MYO5B: variants seen among roughly 807,000 people sequenced by gnomAD.
MYO5B encodes the protein myosin VB, also known as unconventional myosin-Vb.
Under a neutral mutation model 229.3 loss-of-function variants are expected in MYO5B, and 143 were observed. The ratio of observed to expected loss-of-function variants is 0.62; its 90% CI spans 0.54 to 0.72. The LOEUF is 0.72. Ranked by LOEUF, MYO5B falls within the 30% of genes least tolerant of loss-of-function variation. The probability of loss-of-function intolerance (pLI) is 0.00; values close to 1 mark genes in which losing one functional copy is unlikely to be tolerated. For synonymous variants in MYO5B, 918 were observed against 885.2 expected (o/e 1.04, Z -0.66); for missense variants, 2,321 against 2,331.0 (o/e 1.00, Z 0.09).
intron 5 of MYO5B, among the ~76,000 whole-genome samples, chr18:49,996,869 G>T (rs2025993378): frequency 6.6e-6 from 1 of 152,226 alleles, no homozygotes; most frequent in Admixed American, 6.5e-5. Flanking sequence ...GTTTGAAGTG[G>T]CTAAAGTATG....
At chr18:50,140,417 G>C (rs556742130) in intron 1 of MYO5B, among the ~76,000 whole-genome samples, 2 of 152,306 alleles carry the variant, frequency 1.3e-5, no homozygotes, top group African/African-American at 2.4e-5. Context: ...ATTGACACAA[G>C]AGAAGTCTCA....
intron 13 of MYO5B, among the ~76,000 whole-genome samples, chr18:49,954,020 TTATATGTGTGTGTGTGTGTGTGTG>T (rs1443277240): frequency 1.5e-4 from 6 of 38,716 alleles, no homozygotes; most frequent in Admixed American, 6.3e-4. Context: ...GTGTATGTAT[TTATATGTGTGTGTGTGTGTGTGTG>T]TGTGTGTGTG....
intron 1 of MYO5B, among the ~76,000 whole-genome samples, chr18:50,166,778 G>A (rs1341179073): frequency 6.6e-6 from 1 of 152,062 alleles, no homozygotes; most frequent in East Asian, 1.9e-4. Context: ...ACCACTGAGA[G>A]GAACACAATG....
chr18:49,851,076 TCACTA>T (rs1438027361), intron 31 of MYO5B: 1 of 152,174 alleles, frequency 6.6e-6, no homozygotes, highest in Non-Finnish European at 1.5e-5. Flanking sequence ...TTGAAAACCT[TCACTA>T]CACCCTGGGA....
chr18:50,192,820 C>T (rs1488660933), intron 1 of MYO5B, among the ~76,000 whole-genome samples: 1 of 152,130 alleles, frequency 6.6e-6, no homozygotes, highest in Non-Finnish European at 1.5e-5. Context: ...TCTTTAGGGA[C>T]GAACTAAGTG....
intron 26 of MYO5B, among the ~76,000 whole-genome samples, chr18:49,875,338 G>A (rs1391681501): frequency 6.6e-6 from 1 of 152,160 alleles, no homozygotes; most frequent in Non-Finnish European, 1.5e-5. Flanking sequence ...AGGGCGATAG[G>A]TCATCTCTGT....
intron 14 of MYO5B, among the ~76,000 whole-genome samples, chr18:49,940,593 T>C (rs1435113760): frequency 6.6e-6 from 1 of 152,196 alleles, no homozygotes; most frequent in Admixed American, 6.5e-5. Context: ...AAGGAGAAAC[T>C]GGAGAGATGC....
chr18:50,125,304 T>C (rs1203568112), intron 1 of MYO5B, among the ~76,000 whole-genome samples: 1 of 141,326 alleles, frequency 7.1e-6, no homozygotes, highest in African/African-American at 2.7e-5. Flanking sequence ...TTCTCACTCA[T>C]GGTGGGAATT....
chr18:50,000,052 C>T (rs2026029169), intron 5 of MYO5B, among the ~76,000 whole-genome samples: 1 of 152,182 alleles, frequency 6.6e-6, no homozygotes. Context: ...AATTAAAGTC[C>T]TCAAAGTAAC....
rs58927375 is a variant in MYO5B, at chr18:49,997,267, TAAAAAAAAA to T, written c.612+3979_612+3987del. Among the ~76,000 whole-genome samples the T allele has an allele frequency of 7.4e-3, 753 of 101,130 alleles. 13 individuals are homozygous for T. Among genetic ancestry groups the T allele is most frequent in the African/African-American group, 0.031 (709 of 22,540 alleles). The allele number at this position is 101,130 out of a possible 152,430, so 66.3% of individuals were successfully genotyped here. ...GGGTGACAAAGCAAGGTCCTGTCTT[TAAAAAAAAA>T]AAAAAAAAAAAAAAAAAAAAAGCAA... On this transcript the variant is annotated intron_variant, in intron 5 of 39. Transcript: ENST00000285039.
rs1363897199 is a variant in MYO5B at position 49,997,374 on chromosome 18, T to C, written c.612+3881A>G. Among the ~76,000 whole-genome samples the C allele has an allele frequency of 2.1e-3, 246 of 118,164 alleles. 1 individual carries two copies. The highest frequency in any genetic ancestry group is 6.9e-3 in the African/African-American group (220 of 31,926). The allele number at this position is 118,164 out of a possible 152,430, so 77.5% of individuals were successfully genotyped here. ...CACTCTAGCCTCCTTTCTTTCTTTT[T>C]TTTTTTTTTTTTTTTTTTTTGAGAT... On this transcript the variant is annotated intron_variant, in intron 5 of 39. Coordinates refer to ENST00000285039, the MANE Select transcript of MYO5B (RefSeq NM_001080467.3).
chr18:49,995,257 C>CTTTTTTT (rs34197598), intron 5 of MYO5B, among the ~76,000 whole-genome samples: 1 of 137,528 alleles, frequency 7.3e-6, no homozygotes, highest in Non-Finnish European at 1.5e-5. Flanking sequence ...CACTTATATC[C>CTTTTTTT]TTTTTTTTTT....
chr18:50,027,496 C>T (rs534632548), intron 4 of MYO5B, among the ~76,000 whole-genome samples: 14 of 152,256 alleles, frequency 9.2e-5, no homozygotes, highest in Non-Finnish European at 1.3e-4. Flanking sequence ...GAGCTTGACC[C>T]GGGTGAAGCT....
intron 1 of MYO5B, among the ~76,000 whole-genome samples, chr18:50,137,585 G>C (rs2032354558): frequency 6.6e-6 from 1 of 152,028 alleles, no homozygotes; most frequent in Non-Finnish European, 1.5e-5. Flanking sequence ...GTTCCTCAAA[G>C]AGCTATAAAC....
At chr18:50,029,569 T>C (rs1227619388) in intron 4 of MYO5B, among the ~76,000 whole-genome samples, 1 of 152,232 alleles carries the variant, frequency 6.6e-6, no homozygotes, top group East Asian at 1.9e-4. Context: ...CATTGCTCCC[T>C]ACTCACTGAC....
intron 10 of MYO5B, among the ~76,000 whole-genome samples, chr18:49,966,046 G>A (rs1257740102): frequency 2.6e-5 from 4 of 152,134 alleles, no homozygotes; most frequent in Non-Finnish European, 5.9e-5. Flanking sequence ...AGAGAGAAAT[G>A]TTGCAGCTGG....
chr18:49,981,151 C>T (rs1329528034), intron 8 of MYO5B, among the ~76,000 whole-genome samples: 4 of 152,192 alleles, frequency 2.6e-5, no homozygotes, highest in African/African-American at 4.8e-5. Context: ...GCAGCAATCA[C>T]GTGTTGTCAG....
chr18:50,099,084 T>C (rs1424199663), intron 1 of MYO5B: 1 of 152,472 alleles, frequency 6.6e-6, no homozygotes, highest in Non-Finnish European at 1.5e-5. Context: ...GTTGCCTTTT[T>C]TTCTTTCCAT....
At chr18:50,129,919 A>T (rs2032227201) in intron 1 of MYO5B, among the ~76,000 whole-genome samples, 1 of 152,244 alleles carries the variant, frequency 6.6e-6, no homozygotes, top group Non-Finnish European at 1.5e-5. Context: ...CTTTAGACAG[A>T]AAAATGAAAA....
Sources: allele counts gnomAD v4.1 joint callset (sites outside exome capture counted in the v4.1 genomes callset), GRCh38; gene constraint gnomAD v4.1.1; transcripts MANE v1.5; gene names NCBI Gene and HGNC (gene_info 2026-07-23, HGNC 2026-07-21).